Variants in NCCRP1 observed in about 807,000 individuals in gnomAD.
NCCRP1 encodes NCCRP1, F-box associated domain containing.
Under a neutral mutation model 34.4 loss-of-function variants are expected in NCCRP1, and 32 were observed. The observed-to-expected ratio is 0.93, with a 90% CI of 0.70 to 1.25. The LOEUF (loss-of-function observed/expected upper bound fraction) is 1.25. Ranked by LOEUF, NCCRP1 falls within the 50% of genes most tolerant of loss-of-function variation. The pLI is 0.00. For missense variants in NCCRP1, 372 were observed against 391.8 expected (o/e 0.95, Z 0.43); for synonymous variants, 172 against 180.1 (o/e 0.95, Z 0.36).
In NCCRP1 at chr19:39,197,328, G is replaced by T; in HGVS notation, c.337+9G>T. 6.9e-7 allele frequency: 1 copy of T among 1,442,958 alleles called. No homozygotes were observed. Among genetic ancestry groups the T allele is most frequent in the Admixed American group, 2.9e-5 (1 of 33,964 alleles). The allele number at this position is 1,442,958 out of a possible 1,614,324, so 89.4% of individuals were successfully genotyped here. A position where few individuals can be genotyped will look rare whatever the true frequency, so the allele number is the denominator to read the frequency against. On this transcript the variant is annotated intron_variant, in intron 1 of 5. Coordinates refer to ENST00000339852, the MANE Select transcript of NCCRP1 (RefSeq NM_001001414.2). ...CTCGCCCAACCCCGAAGGTGCGCAA[G>T]GGCCCAGAGCAGCCAGGAGGCACCA...
Position 39,198,242 on chromosome 19 carries a change from G to C in NCCRP1, c.441G>C (p.Gln147His). 1 of 1,614,108 alleles carries C rather than the reference G, an allele frequency of 6.2e-7. No individual in the cohort carries two copies. ...GGTACATTAGAACTGAAAAGCTCCA[G>C]CAGAACCAAAGGTGAGTCGCCAGGG... is the stretch of plus-strand genomic sequence containing the variant. ...RGWYIRTEKL[Q>H]QNQSWTVKQQ... Residue 147 changes from glutamine to histidine, a missense_variant, in exon 3 of 6, where the codon CAG becomes CAC. Coordinates refer to ENST00000339852, the MANE Select transcript of NCCRP1 (RefSeq NM_001001414.2).
intron 1 of NCCRP1, 85 bp downstream of exon 1, chr19:39,197,404 C>G (rs1199044042): frequency 8.8e-7 from 1 of 1,140,996 alleles, no homozygotes; most frequent in African/African-American, 1.6e-5. Flanking sequence ...CTCTCTACCT[C>G]TTTGTCTCTC....
At chr19:39,197,351 C>G in intron 1 of NCCRP1, 32 bp downstream of exon 1, 1 of 1,390,540 alleles carries the variant, frequency 7.2e-7, no homozygotes, top group Non-Finnish European at 9.3e-7. Flanking sequence ...CCAGGAGGCA[C>G]CACCCTGACC....
In NCCRP1 at chr19:39,197,368, C is replaced by T; in HGVS notation, c.337+49C>T. Reference sequence around the variant, plus strand: ...AGGAGGCACCACCCTGACCGTCTGTCTCTTCCTCTTTCCCTGTTTCCTTAT... The same window carrying T: ...AGGAGGCACCACCCTGACCGTCTGTTTCTTCCTCTTTCCCTGTTTCCTTAT... On this transcript the variant is annotated intron_variant, in intron 1 of 5. Transcript: ENST00000339852. 2.2e-6 allele frequency: 3 copies of T among 1,341,916 alleles called. No individual in the cohort carries two copies. The South Asian group carries it at 5.0e-5, about 22-fold the overall frequency. 83.1% of individuals were successfully genotyped at this position (1,341,916 alleles called of 1,614,324 possible).
Position 39,198,114 on chromosome 19 carries a change from G to A in NCCRP1, c.399G>A (p.Leu133=). Reference sequence around the variant, plus strand: ...CCACCCAGCGACCCCTGGAAACTCTGGGTAAGTGCTTGGAGGGCCAGGTTG... The same window carrying A: ...CCACCCAGCGACCCCTGGAAACTCTAGGTAAGTGCTTGGAGGGCCAGGTTG... ...TGPTQRPLET[L]GNFRGWYIRT... is the part of the protein sequence containing the mutation. The change falls in exon 2 of 6, where the codon CTG becomes CTA. Residue 133 remains leucine, a splice_region_variant and synonymous_variant. Transcript: ENST00000339852. 6.2e-7 allele frequency: 1 copy of A among 1,614,176 alleles called. No homozygotes were observed.
Position 39,197,002 on chromosome 19 carries a change from GAC to G in NCCRP1, c.23_24del (p.His8ArgfsTer110), listed in dbSNP as rs2074764353. ...CGAGGGATGGAGGAGGTGCGTGAGGGACACGCGCTCGGTGGCGGGATGGAAGC... is the reference window on the plus strand; with the variant it reads ...CGAGGGATGGAGGAGGTGCGTGAGGGACGCGCTCGGTGGCGGGATGGAAGC... On this transcript the variant is annotated frameshift_variant, in exon 1 of 6. Transcript: ENST00000339852. LOFTEE classifies it high-confidence loss of function. 1 of 1,536,248 alleles carries G rather than the reference GAC, an allele frequency of 6.5e-7. No homozygotes were observed. The highest frequency in any genetic ancestry group is 8.7e-7 in the Non-Finnish European group (1 of 1,148,378).
chr19:39,199,062 C>A, intron 3 of NCCRP1, 108 bp from the exon 4 acceptor site: 2 of 980,880 alleles, frequency 2.0e-6, no homozygotes, highest in South Asian at 1.4e-5. Flanking sequence ...GGGAGCACCC[C>A]ACGTGTGGGG....
rs1397065186 is a variant in NCCRP1, at chr19:39,199,193, T to C, written c.476T>C (p.Val159Ala). ...AGCTGGACAGTGAAGCAGCAGTGTG[T>C]GGACCTTCTGGCCGAGGGCCTGTGG... ...NQSWTVKQQC[V>A]DLLAEGLWEE... The change falls in exon 4 of 6, where the codon GTG (valine) becomes GCG (alanine). Residue 159 changes from valine (V) to alanine (A), a missense_variant. Physicochemically the swap from Val to Ala is moderately conservative, Grantham distance 64 (BLOSUM62 0). Transcript: ENST00000339852. The C allele has an allele frequency of 1.2e-6, 2 of 1,614,106 alleles. No individual in the cohort carries two copies. The highest frequency in any genetic ancestry group is 1.6e-4 in the Middle Eastern group (1 of 6,062).
chr19:39,197,408 GTC>G (rs768339744), intron 1 of NCCRP1, 89 bp downstream of exon 1: 10 of 1,097,878 alleles, frequency 9.1e-6, no homozygotes, highest in African/African-American at 1.7e-5. Flanking sequence ...CTACCTCTTT[GTC>G]TCTCTCTGTC....
chr19:39,200,844 T>A lies in NCCRP1; in HGVS notation c.*88T>A. Reference sequence around the variant, plus strand: ...AGTCACCTCCTAGGCCTCTTATTTCTCCCTGGCCCTTGGCTTCTCACTTGA... The same window carrying A: ...AGTCACCTCCTAGGCCTCTTATTTCACCCTGGCCCTTGGCTTCTCACTTGA... On this transcript the variant is annotated 3_prime_UTR_variant, in exon 6 of 6. Coordinates refer to ENST00000339852, the MANE Select transcript of NCCRP1 (RefSeq NM_001001414.2). The surrounding 1 kb of genome is among the most constrained non-coding windows in gnomAD (Gnocchi z 5.8). 1.4e-6 allele frequency: 2 copies of A among 1,477,620 alleles called. No individual in the cohort carries two copies. Among genetic ancestry groups the A allele is most frequent in the Non-Finnish European group, 1.8e-6 (2 of 1,106,286 alleles). The allele number at this position is 1,477,620 out of a possible 1,614,324, so 91.5% of individuals were successfully genotyped here.
intron 1 of NCCRP1, among the ~76,000 whole-genome samples, 160 bp downstream of exon 1, chr19:39,197,479 C>T (rs1046300544): frequency 5.3e-5 from 8 of 152,020 alleles, no homozygotes; most frequent in Non-Finnish European, 8.8e-5. Flanking sequence ...TCCATTTTAC[C>T]ACCTGTCTCT....
At position 39,200,404 on chromosome 19, in the gene NCCRP1, G is replaced by A. The variant is rs1254407541; in HGVS notation, c.607G>A (p.Ala203Thr). Residue 203 changes from alanine (A) to threonine (T), a missense_variant, in exon 5 of 6, where the codon GCC becomes ACC. Coordinates refer to ENST00000339852, the MANE Select transcript of NCCRP1 (RefSeq NM_001001414.2). This position sits in a 1 kb window ranked among gnomAD's most constrained non-coding sequence, Gnocchi z 5.8. ...TGAGCTGCATGTCTGGCTGCTGGCG[G>A]CCGACCGCCGCACGGTCATTGCTCA... is the stretch of plus-strand genomic sequence containing the variant. Reference protein sequence around the residue: ...VYELHVWLLAADRRTVIAQHH... With the variant: ...VYELHVWLLATDRRTVIAQHH... 2 of 1,613,452 alleles carry A rather than the reference G, an allele frequency of 1.2e-6. No homozygotes were observed. Among genetic ancestry groups the A allele is most frequent in the Admixed American group, 1.7e-5 (1 of 60,028 alleles).
In NCCRP1 at chr19:39,200,998, G is replaced by A. The variant is rs2074786174; in HGVS notation, c.*242G>A. 1 of 509,874 alleles carries A rather than the reference G, an allele frequency of 2.0e-6. No homozygotes were observed. The highest frequency in any genetic ancestry group is 3.5e-6 in the Non-Finnish European group (1 of 289,370). 31.6% of individuals were successfully genotyped at this position (509,874 alleles called of 1,614,324 possible). On this transcript the variant is annotated 3_prime_UTR_variant, in exon 6 of 6. Coordinates refer to ENST00000339852, the MANE Select transcript of NCCRP1 (RefSeq NM_001001414.2). The surrounding 1 kb of genome is among the most constrained non-coding windows in gnomAD (Gnocchi z 5.8). ...GATGCTCTGGCACAGATGCTTTGTA[G>A]ATCTCTGTTGAGAGAATGCATAGAC...
chr19:39,199,079 G>A (rs2074775307), intron 3 of NCCRP1, 91 bp from the exon 4 acceptor site: 1 of 1,244,974 alleles, frequency 8.0e-7, no homozygotes, highest in African/African-American at 1.5e-5. Flanking sequence ...GGGGACCCAA[G>A]CTATCCCTAA....
chr19:39,200,440 G>C lies in NCCRP1; in HGVS notation c.643G>C (p.Ala215Pro), dbSNP rs375697876. Residue 215 changes from alanine (A) to proline (P), a missense_variant, in exon 5 of 6, where the codon GCC becomes CCC. Transcript: ENST00000339852. This position sits in a 1 kb window ranked among gnomAD's most constrained non-coding sequence, Gnocchi z 5.8. The part of the protein sequence containing the change: ...RRTVIAQHHV[A>P]PRTSGRGPPG... ...CACGGTCATTGCTCAGCACCACGTG[G>C]CCCCCCGAACTTCTGGGAGAGGACC... The C allele has an allele frequency of 6.2e-7, 1 of 1,613,372 alleles. No individual in the cohort carries two copies. Among genetic ancestry groups the C allele is most frequent in the African/African-American group, 1.3e-5 (1 of 74,930 alleles).
At chr19:39,199,109 T>C in intron 3 of NCCRP1, 61 bp from the exon 4 acceptor site, 1 of 1,522,852 alleles carries the variant, frequency 6.6e-7, no homozygotes, top group African/African-American at 1.4e-5. Flanking sequence ...AAGACAGGGC[T>C]TCCTGCTCCC....
intron 1 of NCCRP1, 147 bp from the exon 2 acceptor site, chr19:39,197,906 A>G: frequency 2.4e-6 from 2 of 838,652 alleles, no homozygotes; most frequent in South Asian, 3.1e-5. Context: ...TCCCCAGCCC[A>G]GAGCCCTGAC....
At position 39,197,045 on chromosome 19, in the gene NCCRP1, C is replaced by G; in HGVS notation, c.63C>G (p.Ser21Arg). The change falls in exon 1 of 6, where the codon AGC (serine) becomes AGG (arginine). Residue 21 changes from serine (S) to arginine (R), a missense_variant. By Grantham distance (110) the Ser-to-Arg change is moderately radical. Coordinates refer to ENST00000339852, the MANE Select transcript of NCCRP1 (RefSeq NM_001001414.2). ...GGGMEADGPA[S>R]LQELPPSPRS... ...GGATGGAAGCCGATGGGCCCGCGAG[C>G]CTCCAGGAGCTGCCTCCCTCGCCAC... is the stretch of plus-strand genomic sequence containing the variant. The G allele has an allele frequency of 6.5e-7, 1 of 1,532,876 alleles. No individual in the cohort carries two copies. The highest frequency in any genetic ancestry group is 1.2e-5 in the South Asian group (1 of 83,948). The allele number at this position is 1,532,876 out of a possible 1,614,324, so 95.0% of individuals were successfully genotyped here. A position where few individuals can be genotyped will look rare whatever the true frequency, so the allele number is the denominator to read the frequency against.
intron 1 of NCCRP1, among the ~76,000 whole-genome samples, chr19:39,197,568 C>CT (rs1164552197): frequency 6.6e-6 from 1 of 152,086 alleles, no homozygotes; most frequent in Admixed American, 6.6e-5. Flanking sequence ...TCCTCTCTCT[C>CT]TCCCCCTCTG....
Sources: allele counts gnomAD v4.1 joint callset (sites outside exome capture counted in the v4.1 genomes callset), GRCh38; gene constraint gnomAD v4.1.1; non-coding constraint Gnocchi (gnomAD v3.1); transcripts MANE v1.5; gene names NCBI Gene and HGNC (gene_info 2026-07-23, HGNC 2026-07-21).